KCTD8: variants seen among roughly 807,000 people sequenced by gnomAD.
KCTD8 encodes BTB/POZ domain-containing protein KCTD8.
In KCTD8, 27 loss-of-function variants were observed where a neutral mutation model predicts 31.5. The observed-to-expected ratio is 0.86, with a 90% confidence interval of 0.63 to 1.18. KCTD8 has a LOEUF of 1.18. KCTD8 is among the 50% of genes most tolerant of loss of function. The pLI, the probability that KCTD8 is intolerant of heterozygous loss-of-function variation, is 0.00. For synonymous variants in KCTD8, 290 were observed against 280.0 expected, an observed-to-expected ratio of 1.04 and a Z score of -0.36; for missense variants, 658 against 647.7, an observed-to-expected ratio of 1.02 and a Z score of -0.17.
intron 1 of KCTD8, among the ~76,000 whole-genome samples, chr4:44,307,789 G>A (rs1302050350): frequency 6.6e-6 from 1 of 151,880 alleles, no homozygotes; most frequent in Non-Finnish European, 1.5e-5. Context: ...GGCCAGTGCT[G>A]TACACATAAC....
At chr4:44,309,459 T>C in intron 1 of KCTD8, among the ~76,000 whole-genome samples, 1 of 152,322 alleles carries the variant, frequency 6.6e-6, no homozygotes, top group Middle Eastern at 3.4e-3. Context: ...TGAAGACTCT[T>C]TGGAAGATAT....
At chr4:44,182,204 G>A (rs935585622) in intron 1 of KCTD8, among the ~76,000 whole-genome samples, 10 of 150,718 alleles carry the variant, frequency 6.6e-5, no homozygotes, top group South Asian at 4.2e-4. Context: ...CGACCCGTCC[G>A]GGAGGTGGGG....
At chr4:44,305,041 A>G (rs1717760675) in intron 1 of KCTD8, among the ~76,000 whole-genome samples, 1 of 152,086 alleles carries the variant, frequency 6.6e-6, no homozygotes, top group Admixed American at 6.6e-5. Context: ...TTAAAATAGT[A>G]TAAGAATATT....
chr4:44,252,617 C>T (rs1413280266), intron 1 of KCTD8, among the ~76,000 whole-genome samples: 1 of 151,614 alleles, frequency 6.6e-6, no homozygotes, highest in African/African-American at 2.4e-5. Context: ...GTTATTTCCT[C>T]TTTATTTTTT....
intron 1 of KCTD8, among the ~76,000 whole-genome samples, chr4:44,302,876 A>G (rs1717671415): frequency 6.6e-6 from 1 of 152,082 alleles, no homozygotes. Flanking sequence ...AGCTCTTATT[A>G]TTTTGAGATA....
At chr4:44,377,966 G>T (rs1391366476) in intron 1 of KCTD8, among the ~76,000 whole-genome samples, 1 of 151,872 alleles carries the variant, frequency 6.6e-6, no homozygotes, top group Non-Finnish European at 1.5e-5. Context: ...AGGCAATTTT[G>T]CTGCACAGAT....
At chr4:44,273,194 T>C (rs1395759686) in intron 1 of KCTD8, among the ~76,000 whole-genome samples, 1 of 152,018 alleles carries the variant, frequency 6.6e-6, no homozygotes, top group Non-Finnish European at 1.5e-5. Flanking sequence ...AAAAAGATGA[T>C]ATTCACTCCA....
At chr4:44,329,135 T>A (rs1343099900) in intron 1 of KCTD8, among the ~76,000 whole-genome samples, 2 of 151,796 alleles carry the variant, frequency 1.3e-5, no homozygotes, top group Non-Finnish European at 2.9e-5. Flanking sequence ...GTTAACGGGT[T>A]TCAATACTTC....
chr4:44,180,575 GTATACA>G (rs1713348950), intron 1 of KCTD8, among the ~76,000 whole-genome samples: 1 of 144,402 alleles, frequency 6.9e-6, no homozygotes. Flanking sequence ...AGAACAGTCA[GTATACA>G]TACATGCACA....
In KCTD8 at chr4:44,326,619, T is replaced by C. The variant is rs531885418; in HGVS notation, c.961+120944A>G. 1.2e-4 allele frequency among the ~76,000 whole-genome samples: 18 copies of C among 151,984 alleles called. No homozygotes were observed. In the South Asian group the frequency reaches 3.5e-3, roughly 30 times the overall value. On this transcript the variant is annotated intron_variant, in intron 1 of 1. Coordinates refer to ENST00000360029, the MANE Select transcript of KCTD8 (RefSeq NM_198353.3). ...TCCTCTTTTCTTATATAAACAAATA[T>C]GTCTTTCTTCCTCTGCTTTACACCC...
intron 1 of KCTD8, among the ~76,000 whole-genome samples, chr4:44,361,862 C>T (rs1719506980): frequency 6.6e-6 from 1 of 152,052 alleles, no homozygotes; most frequent in Non-Finnish European, 1.5e-5. Flanking sequence ...ACTGGCCTTG[C>T]TATTGAGTAC....
intron 1 of KCTD8, among the ~76,000 whole-genome samples, chr4:44,392,771 T>C (rs887655074): frequency 6.6e-6 from 1 of 151,994 alleles, no homozygotes; most frequent in Non-Finnish European, 1.5e-5. Context: ...AATGATGAAA[T>C]TGGCTTACAC....
At chr4:44,351,590 G>T (rs1013220398) in intron 1 of KCTD8, among the ~76,000 whole-genome samples, 6 of 152,122 alleles carry the variant, frequency 3.9e-5, no homozygotes, top group African/African-American at 1.4e-4. Context: ...TCTCTGTGGA[G>T]ATGTCTGAAA....
intron 1 of KCTD8, among the ~76,000 whole-genome samples, chr4:44,368,808 A>T (rs1187719333): frequency 6.6e-6 from 1 of 152,242 alleles, no homozygotes; most frequent in East Asian, 1.9e-4. Context: ...ATGAAGGGCA[A>T]TGATGACATT....
intron 1 of KCTD8, among the ~76,000 whole-genome samples, chr4:44,320,198 A>AAAAG (rs1560425458): frequency 2.1e-5 from 3 of 145,620 alleles, no homozygotes; most frequent in Non-Finnish European, 3.0e-5. Context: ...AAAAAAAAAA[A>AAAAG]AGAGAGAGAG....
At chr4:44,251,415 A>G (rs1482969534) in intron 1 of KCTD8, among the ~76,000 whole-genome samples, 1 of 151,674 alleles carries the variant, frequency 6.6e-6, no homozygotes, top group Non-Finnish European at 1.5e-5. Flanking sequence ...TGAAGAACTG[A>G]CATCTTTATT....
rs187660015 is a variant in KCTD8, at chr4:44,211,432, T to C, written c.962-36182A>G. On this transcript the variant is annotated intron_variant, in intron 1 of 1. Transcript: ENST00000360029. ...TTGTATTTTAGTTTAATAAAAATGC[T>C]GTTACAACTCATTAGTCTTTCTCAA... is the stretch of plus-strand genomic sequence containing the variant. 3.3e-3 allele frequency among the ~76,000 whole-genome samples: 498 copies of C among 152,348 alleles called. 2 individuals carry two copies. Among genetic ancestry groups the C allele is most frequent in the African/African-American group, 0.011 (472 of 41,592 alleles).
chr4:44,179,439 A>G lies in KCTD8; in HGVS notation c.962-4189T>C, dbSNP rs111805138. On this transcript the variant is annotated intron_variant, in intron 1 of 1. Coordinates refer to ENST00000360029, the MANE Select transcript of KCTD8 (RefSeq NM_198353.3). ...GCTTTAAAAATAAAAAGAACTTAAA[A>G]TAGTTATACACATTAATTAGAATTA... is the stretch of plus-strand genomic sequence containing the variant. Among the ~76,000 whole-genome samples, 1,155 of 150,448 alleles carry G rather than the reference A, an allele frequency of 7.7e-3. 17 individuals carry two copies. The highest frequency in any genetic ancestry group is 0.026 in the African/African-American group (1,075 of 41,272).
chr4:44,427,804 G>A (rs1394859855), intron 1 of KCTD8, among the ~76,000 whole-genome samples: 3 of 151,660 alleles, frequency 2.0e-5, no homozygotes, highest in Non-Finnish European at 4.4e-5. Context: ...GATGAGTAAT[G>A]TCACAGCATA....
Sources: gnomAD v4.1 joint callset for allele counts (sites outside exome capture counted in the v4.1 genomes callset) on GRCh38, gnomAD v4.1.1 for gene constraint, MANE v1.5 for transcripts, NCBI Gene and HGNC (gene_info 2026-07-23, HGNC 2026-07-21) for gene names.